Variants in SCHIP1 observed in about 807,000 individuals in gnomAD.
The protein encoded by SCHIP1 is schwannomin-interacting protein 1.
In SCHIP1, 8 loss-of-function variants were observed where a neutral mutation model predicts 29.7. The ratio of observed to expected loss-of-function variants is 0.27; its 90% CI spans 0.16 to 0.49. The LOEUF (loss-of-function observed/expected upper bound fraction) is 0.49. Ranked by LOEUF, SCHIP1 falls within the 20% of genes least tolerant of loss-of-function variation. SCHIP1 has a pLI of 0.99. For missense variants in SCHIP1, 193 were observed against 294.6 expected (o/e 0.66, Z 2.52); for synonymous variants, 76 against 94.9 (o/e 0.80, Z 1.16).
chr3:159,815,471 G>C, the SCHIP1 span, among the ~76,000 whole-genome samples: 8 of 152,130 alleles, frequency 5.3e-5, no homozygotes, highest in African/African-American at 1.7e-4. Context: ...TGACACCTTG[G>C]GGGGATGAAA....
the SCHIP1 span, among the ~76,000 whole-genome samples, chr3:159,599,015 T>C: frequency 6.6e-6 from 1 of 152,204 alleles, no homozygotes; most frequent in African/African-American, 2.4e-5. Flanking sequence ...TTTTATGTAA[T>C]GTAAGTATAG....
At chr3:159,608,350 T>C in the SCHIP1 span, among the ~76,000 whole-genome samples, 1 of 152,182 alleles carries the variant, frequency 6.6e-6, no homozygotes. Context: ...TCTCAAAATA[T>C]ATACATGAAA....
the SCHIP1 span, among the ~76,000 whole-genome samples, chr3:159,495,123 A>G: frequency 3.3e-5 from 5 of 152,204 alleles, no homozygotes; most frequent in Non-Finnish European, 4.4e-5. Flanking sequence ...AATAAGAGCT[A>G]TCTATGACAA....
the SCHIP1 span, among the ~76,000 whole-genome samples, chr3:159,418,610 A>G: frequency 2.6e-5 from 4 of 152,216 alleles, no homozygotes; most frequent in Non-Finnish European, 4.4e-5. Flanking sequence ...AATATTGACT[A>G]TTGTCATCAC....
chr3:159,639,649 A>G, the SCHIP1 span, among the ~76,000 whole-genome samples: 1 of 152,166 alleles, frequency 6.6e-6, no homozygotes, highest in Non-Finnish European at 1.5e-5. Flanking sequence ...TGTATAAACA[A>G]TTTATACATT....
At chr3:159,736,963 T>A in the SCHIP1 span, among the ~76,000 whole-genome samples, 2 of 152,118 alleles carry the variant, frequency 1.3e-5, no homozygotes, top group East Asian at 3.9e-4. Context: ...CTCTATCTCC[T>A]GACCTCATGA....
the SCHIP1 span, among the ~76,000 whole-genome samples, chr3:159,348,093 T>C: frequency 6.6e-6 from 1 of 152,172 alleles, no homozygotes; most frequent in African/African-American, 2.4e-5. Context: ...TGAAATTGAT[T>C]TGACAAGTTG....
At chr3:159,546,381 T>C in the SCHIP1 span, among the ~76,000 whole-genome samples, 1 of 152,120 alleles carries the variant, frequency 6.6e-6, no homozygotes, top group African/African-American at 2.4e-5. Flanking sequence ...TAACTTTTAT[T>C]AGGCTAAGAA....
At chr3:159,395,350 G>T in the SCHIP1 span, among the ~76,000 whole-genome samples, 1 of 151,858 alleles carries the variant, frequency 6.6e-6, no homozygotes, top group Non-Finnish European at 1.5e-5. Flanking sequence ...GTTATTTCTA[G>T]CCTTCTGCTA....
intron 1 of SCHIP1, among the ~76,000 whole-genome samples, chr3:159,842,442 T>C (rs1744303489): frequency 6.6e-6 from 1 of 152,180 alleles, no homozygotes; most frequent in African/African-American, 2.4e-5. Flanking sequence ...ACCCCTGCCC[T>C]TGCCCACACT....
At chr3:159,389,655 C>T in the SCHIP1 span, among the ~76,000 whole-genome samples, 5 of 152,076 alleles carry the variant, frequency 3.3e-5, no homozygotes, top group South Asian at 4.1e-4. Context: ...CTGTTACAAA[C>T]CAAGAATAAG....
the SCHIP1 span, among the ~76,000 whole-genome samples, chr3:159,724,731 T>A: frequency 6.6e-6 from 1 of 152,186 alleles, no homozygotes; most frequent in Non-Finnish European, 1.5e-5. Flanking sequence ...AAAAAATTCC[T>A]TTGCAAGTCA....
the SCHIP1 span, among the ~76,000 whole-genome samples, chr3:159,496,997 T>C: frequency 6.6e-6 from 1 of 152,024 alleles, no homozygotes; most frequent in Non-Finnish European, 1.5e-5. Flanking sequence ...CAGCAAACTG[T>C]CGCAAGGACA....
the SCHIP1 span, among the ~76,000 whole-genome samples, chr3:159,623,376 T>C: frequency 6.6e-6 from 1 of 152,016 alleles, no homozygotes; most frequent in Non-Finnish European, 1.5e-5. Context: ...TAATAAACAG[T>C]TTTACTTGGG....
the SCHIP1 span, among the ~76,000 whole-genome samples, chr3:159,383,605 C>T: frequency 8.0e-3 from 1,128 of 140,326 alleles, 20 homozygotes; most frequent in African/African-American, 0.028. Flanking sequence ...TTTTTTGGTT[C>T]CATATGAACT....
At chr3:159,686,703 T>G in the SCHIP1 span, among the ~76,000 whole-genome samples, 6 of 152,132 alleles carry the variant, frequency 3.9e-5, no homozygotes, top group African/African-American at 1.4e-4. Context: ...ATATGAGAAA[T>G]TTTTTCTATA....
At chr3:159,889,770 TG>T (rs2109473209) in intron 5 of SCHIP1, among the ~76,000 whole-genome samples, 1 of 152,192 alleles carries the variant, frequency 6.6e-6, no homozygotes, top group East Asian at 1.9e-4. Context: ...TTATTTTAGG[TG>T]TGATAAAGGT....
At chr3:159,497,759 T>C in the SCHIP1 span, among the ~76,000 whole-genome samples, 4 of 152,040 alleles carry the variant, frequency 2.6e-5, no homozygotes, top group Non-Finnish European at 5.9e-5. Context: ...GTTTTACACA[T>C]TTAAAATTGA....
the SCHIP1 span, among the ~76,000 whole-genome samples, chr3:159,596,260 C>T: frequency 3.9e-5 from 6 of 152,186 alleles, no homozygotes; most frequent in African/African-American, 1.2e-4. Flanking sequence ...TAACATCTCA[C>T]ACCAGTTAGA....
Sources: allele counts gnomAD v4.1 joint callset (sites outside exome capture counted in the v4.1 genomes callset), GRCh38; gene constraint gnomAD v4.1.1; transcripts MANE v1.5; gene names NCBI Gene and HGNC (gene_info 2026-07-23, HGNC 2026-07-21).